Variants in RPS6KA2 observed in about 807,000 individuals in gnomAD.
RPS6KA2 encodes the protein ribosomal protein S6 kinase A2.
RPS6KA2 carries 42 observed loss-of-function variants against 91.8 expected under a neutral mutation model. The observed-to-expected ratio is 0.46, with a 90% CI of 0.36 to 0.59. RPS6KA2 has a LOEUF of 0.59. RPS6KA2 is among the 20% of genes least tolerant of loss of function. RPS6KA2 has a pLI of 0.00. For missense variants in RPS6KA2, 798 were observed against 978.5 expected (o/e 0.82, Z 2.46); for synonymous variants, 414 against 393.6 (o/e 1.05, Z -0.61).
intron 2 of RPS6KA2, among the ~76,000 whole-genome samples, chr6:166,753,497 A>G (rs1777909663): frequency 6.6e-6 from 1 of 152,204 alleles, no homozygotes. Context: ...ACCTTTCTAC[A>G]TGTTCTTCCA....
intron 1 of RPS6KA2, among the ~76,000 whole-genome samples, chr6:166,593,995 T>C (rs1025806351): frequency 1.3e-5 from 2 of 152,214 alleles, no homozygotes; most frequent in African/African-American, 4.8e-5. Context: ...CAATTTACCC[T>C]AAGAGAATAA....
rs538603737 is a variant in RPS6KA2 at position 166,826,022 on chromosome 6, A to C, written c.123+32178T>G. Among the ~76,000 whole-genome samples, 11 of 152,298 alleles carry C rather than the reference A, an allele frequency of 7.2e-5. No individual in the cohort carries two copies. The East Asian group carries it at 2.1e-3, about 29-fold the overall frequency. On this transcript the variant is annotated intron_variant, in intron 2 of 21. Transcript: ENST00000503859. Reference sequence around the variant, plus strand: ...AAGAATGAACCAAGGCAAGCACAACAATGAGTCATTAGAAAACACTTCGGG... The same window carrying C: ...AAGAATGAACCAAGGCAAGCACAACCATGAGTCATTAGAAAACACTTCGGG...
chr6:166,705,405 C>T (rs1789653759), intron 2 of RPS6KA2, among the ~76,000 whole-genome samples: 1 of 152,232 alleles, frequency 6.6e-6, no homozygotes, highest in Non-Finnish European at 1.5e-5. Flanking sequence ...AAACACTAAT[C>T]TGAGCAGATC....
chr6:166,862,704 G>T (rs1454335343), upstream of RPS6KA2: 2 of 1,440 alleles, frequency 1.4e-3, no homozygotes, highest in Non-Finnish European at 0.071. Flanking sequence ...CTGGGGAGGC[G>T]GGGGGGGGGG....
chr6:166,762,754 C>T (rs1207216650), intron 2 of RPS6KA2, among the ~76,000 whole-genome samples: 2 of 152,108 alleles, frequency 1.3e-5, no homozygotes, highest in Admixed American at 6.6e-5. Flanking sequence ...ACTTCTGCCC[C>T]GACTTCTGGG....
Position 166,433,599 on chromosome 6 carries a change from C to T in RPS6KA2, c.1333-1109G>A, listed in dbSNP as rs529872407. ...AAAGCGATTGGAAACACCTTCCTAA[C>T]CATGATTTGTACTATTCTCACATTA... On this transcript the variant is annotated intron_variant, in intron 14 of 20. Coordinates refer to ENST00000265678, the MANE Select transcript of RPS6KA2 (RefSeq NM_021135.6). This position sits in a 1 kb window ranked among gnomAD's most constrained non-coding sequence, Gnocchi z 4.4. Among the ~76,000 whole-genome samples the T allele has an allele frequency of 2.6e-5, 4 of 152,288 alleles. No individual in the cohort carries two copies. In the South Asian group the frequency reaches 6.2e-4, roughly 24 times the overall value.
At chr6:166,538,601 G>A in intron 2 of RPS6KA2, 67 bp downstream of exon 2, 2 of 878,550 alleles carry the variant, frequency 2.3e-6, no homozygotes, top group Non-Finnish European at 3.8e-6. Flanking sequence ...TTCATCCAGG[G>A]GGGCTCTGTC....
At chr6:166,657,101 G>C (rs1788024778) in intron 2 of RPS6KA2, among the ~76,000 whole-genome samples, 1 of 152,064 alleles carries the variant, frequency 6.6e-6, no homozygotes, top group African/African-American at 2.4e-5. Flanking sequence ...AGCAGGGCTG[G>C]AGCTGCGGAG....
Position 166,767,989 on chromosome 6 carries a change from A to G in RPS6KA2, c.123+90211T>C, listed in dbSNP as rs1257487742. ...GCTACCTTGGCCACCACTGCACCAT[A>G]ACAAGAGTGCTCACATTTCTGTCCT... is the stretch of plus-strand genomic sequence containing the variant. On this transcript the variant is annotated intron_variant, in intron 2 of 21. Coordinates refer to the RPS6KA2 transcript ENST00000503859. The surrounding 1 kb of genome is among the most constrained non-coding windows in gnomAD (Gnocchi z 4.6). 6.6e-6 allele frequency among the ~76,000 whole-genome samples: 1 copy of G among 152,216 alleles called. No homozygotes were observed. The highest frequency in any genetic ancestry group is 1.5e-5 in the Non-Finnish European group (1 of 68,048).
Position 166,557,962 on chromosome 6 carries a change from G to C in RPS6KA2, c.100-19178C>G, listed in dbSNP as rs1417399992. On this transcript the variant is annotated intron_variant, in intron 1 of 20. Coordinates refer to ENST00000265678, the MANE Select transcript of RPS6KA2 (RefSeq NM_021135.6). The surrounding 1 kb of genome is among the most constrained non-coding windows in gnomAD (Gnocchi z 4.8). ...TGTGGGTGTGTATAGAGATGTATAT[G>C]TATATACAGAGGGGTGTGTGTGTGT... Among the ~76,000 whole-genome samples, 4 of 151,410 alleles carry C rather than the reference G, an allele frequency of 2.6e-5. No homozygotes were observed. The highest frequency in any genetic ancestry group is 4.8e-5 in the African/African-American group (2 of 41,336).
At chr6:166,783,644 G>A (rs547963354) in intron 2 of RPS6KA2, among the ~76,000 whole-genome samples, 23 of 152,092 alleles carry the variant, frequency 1.5e-4, no homozygotes, top group Non-Finnish European at 2.5e-4. Context: ...ATATATACAT[G>A]TGCACACCTA....
At chr6:166,723,434 T>G (rs1790240265) in intron 2 of RPS6KA2, among the ~76,000 whole-genome samples, 1 of 152,108 alleles carries the variant, frequency 6.6e-6, no homozygotes, top group Admixed American at 6.5e-5. Flanking sequence ...GTGCACTACC[T>G]TCTTCACCCC....
intron 2 of RPS6KA2, among the ~76,000 whole-genome samples, chr6:166,752,161 T>C (rs1487974904): frequency 6.6e-6 from 1 of 152,256 alleles, no homozygotes; most frequent in Non-Finnish European, 1.5e-5. Flanking sequence ...TTCTAACTAT[T>C]TTAGTCATTA....
chr6:166,713,279 G>A (rs754827989), intron 2 of RPS6KA2, among the ~76,000 whole-genome samples: 2 of 152,200 alleles, frequency 1.3e-5, no homozygotes, highest in Non-Finnish European at 2.9e-5. Flanking sequence ...GCCCATAGCC[G>A]GGTTTTCACA....
At chr6:166,723,014 G>A (rs933633375) in intron 2 of RPS6KA2, among the ~76,000 whole-genome samples, 3 of 152,202 alleles carry the variant, frequency 2.0e-5, no homozygotes, top group East Asian at 1.9e-4. Context: ...GGTTTGGGGC[G>A]CTGCAAGGAC....
At position 166,419,091 on chromosome 6, in the gene RPS6KA2, C is replaced by G. The variant is rs922142168; in HGVS notation, c.1821-749G>C. Among the ~76,000 whole-genome samples the G allele has an allele frequency of 1.3e-5, 2 of 152,252 alleles. No homozygotes were observed. Among genetic ancestry groups the G allele is most frequent in the Admixed American group, 6.5e-5 (1 of 15,288 alleles). On this transcript the variant is annotated intron_variant, in intron 18 of 20. Transcript: ENST00000265678. This position sits in a 1 kb window ranked among gnomAD's most constrained non-coding sequence, Gnocchi z 5.6. The stretch of plus-strand genomic sequence containing the variant: ...ATTTACTCTCCTTCTGCTGTGGACA[C>G]TACCTGTTGACTTATGATGAAATAA...
intron 2 of RPS6KA2, among the ~76,000 whole-genome samples, chr6:166,651,284 C>T (rs1016907165): frequency 6.6e-6 from 1 of 152,172 alleles, no homozygotes; most frequent in African/African-American, 2.4e-5. Flanking sequence ...TCAGCAAGTA[C>T]AGAAAAGTGT....
chr6:166,471,412 A>G (rs1467322304), intron 10 of RPS6KA2, among the ~76,000 whole-genome samples: 1 of 152,208 alleles, frequency 6.6e-6, no homozygotes, highest in Non-Finnish European at 1.5e-5. Context: ...TAGGTGGTCA[A>G]CGGCTCAGAG....
chr6:166,538,024 C>T (rs982160358), intron 2 of RPS6KA2, among the ~76,000 whole-genome samples: 5 of 152,326 alleles, frequency 3.3e-5, no homozygotes, highest in East Asian at 1.9e-4. Context: ...GCTTTTATTG[C>T]TGCAATTTGA....
Sources: gnomAD v4.1 joint callset for allele counts (sites outside exome capture counted in the v4.1 genomes callset) on GRCh38, gnomAD v4.1.1 for gene constraint, Gnocchi (gnomAD v3.1) non-coding constraint, MANE v1.5 for transcripts, NCBI Gene and HGNC (gene_info 2026-07-23, HGNC 2026-07-21) for gene names.